NCOA1: variants seen among roughly 807,000 people sequenced by gnomAD.
NCOA1 encodes the protein nuclear receptor coactivator 1.
Under a neutral mutation model 150.9 loss-of-function variants are expected in NCOA1, and 35 were observed. That is an observed-to-expected ratio of 0.23 (90% CI 0.18 to 0.31). NCOA1 has a LOEUF of 0.31. Ranked by LOEUF, NCOA1 falls within the 10% of genes least tolerant of loss-of-function variation. The pLI, the probability that NCOA1 is intolerant of heterozygous loss-of-function variation, is 1.00. For missense variants in NCOA1, 1,491 were observed against 1,749.3 expected, an observed-to-expected ratio of 0.85 and a Z score of 2.63; for synonymous variants, 590 against 630.0, an observed-to-expected ratio of 0.94 and a Z score of 0.95.
intron 6 of NCOA1, among the ~76,000 whole-genome samples, chr2:24,673,089 A>G (rs1337127712): frequency 6.6e-6 from 1 of 152,256 alleles, no homozygotes; most frequent in Non-Finnish European, 1.5e-5. Context: ...CAATATATTT[A>G]TAGCATTTTT....
At chr2:24,594,153 A>G (rs993907590) in intron 3 of NCOA1, among the ~76,000 whole-genome samples, 1 of 152,140 alleles carries the variant, frequency 6.6e-6, no homozygotes, top group Non-Finnish European at 1.5e-5. Context: ...TGGAACATTG[A>G]AGAATCCAGA....
chr2:24,576,145 CTTTGTTTTTTTTTT>C (rs1666945970), intron 2 of NCOA1, among the ~76,000 whole-genome samples: 1 of 101,036 alleles, frequency 9.9e-6, no homozygotes, highest in Non-Finnish European at 1.9e-5. Flanking sequence ...ATTATTTGGC[CTTTGTTTTTTTTTT>C]TTTGTTTTTT....
Position 24,707,005 on chromosome 2 carries a change from T to G in NCOA1, c.1535T>G (p.Ile512Ser). The change falls in exon 13 of 23, where the codon ATT becomes AGT. Residue 512 changes from isoleucine to serine, a missense_variant. By Grantham distance (142) the Ile-to-Ser change is moderately radical. This residue lies in a region of NCOA1 where 703 missense variants were observed against 717.7 expected (regional missense o/e 0.98). Coordinates refer to ENST00000348332, the MANE Select transcript of NCOA1 (RefSeq NM_003743.5). ...CCAAACAATTCCTTTCCTCCTAATA[T>G]TTCGACATTAAGCTCTCCCGTTGGC... ...RMPNNSFPPN[I>S]STLSSPVGMT... 6.2e-7 allele frequency: 1 copy of G among 1,614,218 alleles called. No homozygotes were observed. The highest frequency in any genetic ancestry group is 8.5e-7 in the Non-Finnish European group (1 of 1,180,024).
chr2:24,509,367 G>A (rs1229864439), intron 1 of NCOA1, among the ~76,000 whole-genome samples: 1 of 152,184 alleles, frequency 6.6e-6, no homozygotes, highest in Non-Finnish European at 1.5e-5. Context: ...GTAAAAGTGG[G>A]TATACAAATA....
chr2:24,741,692 G>A, intron 18 of NCOA1, 92 bp from the exon 19 acceptor site: 1 of 1,363,590 alleles, frequency 7.3e-7, no homozygotes. Context: ...GTACTTTATT[G>A]CCCCAAGCAA....
At chr2:24,736,217 G>A (rs1284988985) in intron 17 of NCOA1, among the ~76,000 whole-genome samples, 9 of 136,546 alleles carry the variant, frequency 6.6e-5, no homozygotes, top group South Asian at 4.6e-4. Context: ...GTGAAACTCC[G>A]TCTCAAAAAA....
intron 3 of NCOA1, among the ~76,000 whole-genome samples, chr2:24,624,458 G>A (rs534940956): frequency 5.3e-5 from 8 of 152,162 alleles, no homozygotes; most frequent in Non-Finnish European, 8.8e-5. Context: ...TTACATTTCT[G>A]TATTTAATAA....
rs55906429 is a variant in NCOA1, at chr2:24,625,912, G to A, written c.-174-18054G>A. On this transcript the variant is annotated intron_variant, in intron 3 of 22. Coordinates refer to ENST00000348332, the MANE Select transcript of NCOA1 (RefSeq NM_003743.5). Reference sequence around the variant, plus strand: ...AGTTTAATCCTTTTAAATTTATTTCGACTTATCAGCATAAATCATATCAGT... The same window carrying A: ...AGTTTAATCCTTTTAAATTTATTTCAACTTATCAGCATAAATCATATCAGT... Among the ~76,000 whole-genome samples, 11 of 151,890 alleles carry A rather than the reference G, an allele frequency of 7.2e-5. 1 individual carries two copies. Among genetic ancestry groups the A allele is most frequent in the Admixed American group, 5.2e-4 (8 of 15,254 alleles).
rs1673544995 is a variant in NCOA1 at position 24,708,038 on chromosome 2, A to G, written c.2418+150A>G. 4.0e-6 allele frequency: 4 copies of G among 1,002,832 alleles called. No individual in the cohort carries two copies. In the South Asian group the frequency reaches 1.0e-4, roughly 25 times the overall value. The allele number at this position is 1,002,832 out of a possible 1,614,324, so 62.1% of individuals were successfully genotyped here. On this transcript the variant is annotated intron_variant, in intron 13 of 22. Transcript: ENST00000348332. Reference sequence around the variant, plus strand: ...AAGAGGTTAGTATCAATAACTGATCACAGGATGCCCTCAGAAGTTTTCTTT... The same window carrying G: ...AAGAGGTTAGTATCAATAACTGATCGCAGGATGCCCTCAGAAGTTTTCTTT...
intron 5 of NCOA1, among the ~76,000 whole-genome samples, chr2:24,664,496 G>T (rs55952101): frequency 0.042 from 6,405 of 152,192 alleles, 205 homozygotes; most frequent in African/African-American, 0.092. Flanking sequence ...GGATCATGAG[G>T]TCGAGAGATC....
At chr2:24,751,176 G>A (rs1035847863) in intron 19 of NCOA1, among the ~76,000 whole-genome samples, 1 of 150,876 alleles carries the variant, frequency 6.6e-6, no homozygotes, top group African/African-American at 2.4e-5. Context: ...ATGTTGGCCA[G>A]GCTAGTCTCG....
intron 22 of NCOA1, among the ~76,000 whole-genome samples, chr2:24,763,408 G>A (rs190754539): frequency 0.074 from 11,200 of 150,856 alleles, 509 homozygotes; most frequent in African/African-American, 0.12. Flanking sequence ...GTGAGGTGGC[G>A]GGTGCCTGTA....
chr2:24,673,484 A>G (rs768597078), intron 7 of NCOA1, 21 bp downstream of exon 7: 1 of 1,509,270 alleles, frequency 6.6e-7, no homozygotes, highest in South Asian at 1.3e-5. Flanking sequence ...TCATTGACTC[A>G]GAAAGTGATT....
intron 3 of NCOA1, among the ~76,000 whole-genome samples, chr2:24,625,250 C>T (rs1166631514): frequency 6.6e-6 from 1 of 150,904 alleles, no homozygotes; most frequent in Non-Finnish European, 1.5e-5. Context: ...CCTGTAATCC[C>T]TGCTACTCAG....
intron 4 of NCOA1, among the ~76,000 whole-genome samples, chr2:24,645,593 A>G (rs1351327846): frequency 6.6e-6 from 1 of 151,856 alleles, no homozygotes; most frequent in African/African-American, 2.4e-5. Context: ...CTGATGATAC[A>G]TTTGTATTTA....
At chr2:24,646,471 A>G (rs1226613164) in intron 4 of NCOA1, among the ~76,000 whole-genome samples, 3 of 152,268 alleles carry the variant, frequency 2.0e-5, no homozygotes, top group East Asian at 1.9e-4. Flanking sequence ...CTGATTCACA[A>G]TCATAGATTG....
intron 1 of NCOA1, among the ~76,000 whole-genome samples, chr2:24,493,129 T>G (rs1663053790): frequency 6.6e-6 from 1 of 152,266 alleles, no homozygotes; most frequent in Non-Finnish European, 1.5e-5. Context: ...AGTTTTGGGT[T>G]AAAGGTAGCA....
At chr2:24,665,724 T>C (rs1003437769) in intron 5 of NCOA1, 25 bp from the exon 6 acceptor site, 1 of 1,478,948 alleles carries the variant, frequency 6.8e-7, no homozygotes, top group Non-Finnish European at 9.1e-7. Context: ...AAATGTACAC[T>C]AACTGGATTT....
intron 3 of NCOA1, among the ~76,000 whole-genome samples, chr2:24,642,220 G>T (rs1397192938): frequency 5.3e-5 from 8 of 151,608 alleles, no homozygotes; most frequent in Admixed American, 2.6e-4. Flanking sequence ...CTTAGAATTT[G>T]CTATTGAAGG....
Sources: allele counts gnomAD v4.1 joint callset (sites outside exome capture counted in the v4.1 genomes callset), GRCh38; gene constraint gnomAD v4.1.1; regional missense constraint gnomAD v4.1.1; transcripts MANE v1.5; gene names NCBI Gene and HGNC (gene_info 2026-07-23, HGNC 2026-07-21).